LMTK2: variants seen among roughly 807,000 people sequenced by gnomAD.
The protein encoded by LMTK2 is serine/threonine-protein kinase LMTK2.
LMTK2 carries 37 observed loss-of-function variants against 127.5 expected under a neutral mutation model. That is an observed-to-expected ratio of 0.29 (90% confidence interval 0.22 to 0.38). LMTK2 has a LOEUF of 0.38. LMTK2 is among the 10% of genes least tolerant of loss of function. The pLI is 1.00. For synonymous variants in LMTK2, 819 were observed against 810.1 expected, an observed-to-expected ratio of 1.01 and a Z score of -0.19; for missense variants, 1,694 against 1,920.3, an observed-to-expected ratio of 0.88 and a Z score of 2.20.
At position 98,191,959 on chromosome 7, in the gene LMTK2, G is replaced by A; in HGVS notation, c.1494G>A (p.Leu498=). 1 of 1,614,062 alleles carries A rather than the reference G, an allele frequency of 6.2e-7. No individual in the cohort carries two copies. Among genetic ancestry groups the A allele is most frequent in the South Asian group, 1.1e-5 (1 of 91,074 alleles). ...GCCGGGGCCACCTGGACGAAGGCTT[G>A]TCCTACACGAGCATCTTCTATCCGG... is the stretch of plus-strand genomic sequence containing the variant. ...ERSRGHLDEG[L]SYTSIFYPVE... is the part of the protein sequence containing the mutation. The change falls in exon 11 of 14, where the codon TTG becomes TTA. Residue 498 remains leucine, a synonymous_variant. Transcript: ENST00000297293.
intron 6 of LMTK2, among the ~76,000 whole-genome samples, chr7:98,170,577 C>A (rs1195937988): frequency 6.7e-6 from 1 of 150,368 alleles, no homozygotes; most frequent in African/African-American, 2.4e-5. Context: ...CTCCAGCCGT[C>A]TTTTCTTGAC....
At chr7:98,203,800 G>T in intron 12 of LMTK2, 94 bp downstream of exon 12, 1 of 1,574,394 alleles carries the variant, frequency 6.4e-7, no homozygotes, top group South Asian at 1.1e-5. Flanking sequence ...CTTTAATGAC[G>T]CCCCCTGACA....
chr7:98,186,813 A>G, intron 8 of LMTK2, 64 bp from the exon 9 acceptor site: 1 of 1,445,518 alleles, frequency 6.9e-7, no homozygotes. Flanking sequence ...CCATGGATTT[A>G]AATTCTTGAA....
chr7:98,203,521 G>T (rs1797739801), intron 11 of LMTK2, 53 bp from the exon 12 acceptor site: 1 of 1,547,338 alleles, frequency 6.5e-7, no homozygotes, highest in Non-Finnish European at 8.7e-7. Flanking sequence ...GGTCACACGG[G>T]GGGTTCCCGT....
Position 98,193,249 on chromosome 7 carries a change from A to T in LMTK2, c.2784A>T (p.Lys928Asn), listed in dbSNP as rs780651078. 9 of 1,613,592 alleles carry T rather than the reference A, an allele frequency of 5.6e-6. No individual in the cohort carries two copies. Among genetic ancestry groups the T allele is most frequent in the Admixed American group, 1.7e-5 (1 of 60,008 alleles). Residue 928 changes from lysine to asparagine, a missense_variant, in exon 11 of 14, where the codon AAA becomes AAT. Around this residue, in one of 8 missense-constraint regions of LMTK2, gnomAD observed 527 missense variants for 539.8 expected, o/e 0.98. Coordinates refer to ENST00000297293, the MANE Select transcript of LMTK2 (RefSeq NM_014916.4). The surrounding 1 kb of genome is among the most constrained non-coding windows in gnomAD (Gnocchi z 4.1). ...LPELGQELHN[K>N]PFSEDHHSHR... ...AACTGGGACAGGAATTGCACAATAAACCATTTTCGGAAGACCATCACAGTC... is the reference window on the plus strand; with the variant it reads ...AACTGGGACAGGAATTGCACAATAATCCATTTTCGGAAGACCATCACAGTC...
chr7:98,149,709 A>C (rs559005254), intron 3 of LMTK2, among the ~76,000 whole-genome samples: 2 of 152,362 alleles, frequency 1.3e-5, no homozygotes, highest in Admixed American at 1.3e-4. Flanking sequence ...ACAAAGATTT[A>C]TTAGATAGGA....
chr7:98,202,850 A>G (rs1366615155), intron 11 of LMTK2, among the ~76,000 whole-genome samples: 1 of 152,082 alleles, frequency 6.6e-6, no homozygotes, highest in Non-Finnish European at 1.5e-5. Context: ...TGATACTTGC[A>G]GTTCTTTGGG....
chr7:98,173,372 T>G (rs1797223989), intron 7 of LMTK2, among the ~76,000 whole-genome samples: 1 of 152,104 alleles, frequency 6.6e-6, no homozygotes, highest in African/African-American at 2.4e-5. Flanking sequence ...ATCCCTTATA[T>G]GAAGCTTTAT....
chr7:98,159,830 G>C (rs773302175), intron 6 of LMTK2, among the ~76,000 whole-genome samples: 6 of 152,164 alleles, frequency 3.9e-5, no homozygotes, highest in Non-Finnish European at 7.3e-5. Context: ...TTAACCCCCT[G>C]AGAGAGCCCA....
At chr7:98,142,948 C>T (rs1015250155) in intron 3 of LMTK2, among the ~76,000 whole-genome samples, 1 of 152,248 alleles carries the variant, frequency 6.6e-6, no homozygotes, top group African/African-American at 2.4e-5. Flanking sequence ...GCTTCTTTCT[C>T]TCTCTCCTTG....
At chr7:98,164,691 G>A (rs1797067370) in intron 6 of LMTK2, among the ~76,000 whole-genome samples, 1 of 152,146 alleles carries the variant, frequency 6.6e-6, no homozygotes, top group Admixed American at 6.5e-5. Flanking sequence ...TGGAGACAGG[G>A]GATGCTGTGC....
chr7:98,156,322 G>A (rs946979067), intron 5 of LMTK2, among the ~76,000 whole-genome samples: 3 of 152,056 alleles, frequency 2.0e-5, no homozygotes, highest in African/African-American at 4.8e-5. Context: ...AAAATTAGTC[G>A]GGCGTGGTGT....
chr7:98,200,064 G>A (rs990011045), intron 11 of LMTK2, among the ~76,000 whole-genome samples: 13 of 151,712 alleles, frequency 8.6e-5, no homozygotes, highest in Non-Finnish European at 1.9e-4. Context: ...AACATTTTTA[G>A]TATTACATTT....
intron 1 of LMTK2, among the ~76,000 whole-genome samples, chr7:98,119,475 G>A (rs1455495588): frequency 1.3e-5 from 2 of 152,026 alleles, no homozygotes; most frequent in African/African-American, 4.8e-5. Flanking sequence ...AGCACTCCGG[G>A]GCAGAACACA....
chr7:98,108,676 G>A (rs1032219047), intron 1 of LMTK2, among the ~76,000 whole-genome samples: 1 of 152,172 alleles, frequency 6.6e-6, no homozygotes, highest in Non-Finnish European at 1.5e-5. Context: ...TTATGTGGAA[G>A]GATGGTGATG....
chr7:98,148,783 C>T lies in LMTK2; in HGVS notation c.377-2599C>T, dbSNP rs191004890. ...GCACTCCTTCAACACCTAGCCAGGC[C>T]GTTTATAACCCTGACTTAGCCTTCA... On this transcript the variant is annotated intron_variant, in intron 3 of 13. Transcript: ENST00000297293. 2.5e-3 allele frequency among the ~76,000 whole-genome samples: 375 copies of T among 152,292 alleles called. 3 individuals carry two copies. The highest frequency in any genetic ancestry group is 5.7e-4 in the Non-Finnish European group (39 of 68,020).
At chr7:98,200,773 A>G (rs1797694143) in intron 11 of LMTK2, among the ~76,000 whole-genome samples, 1 of 152,158 alleles carries the variant, frequency 6.6e-6, no homozygotes, top group East Asian at 1.9e-4. Flanking sequence ...TGCCTCATAC[A>G]CTGTAAATGC....
intron 1 of LMTK2, among the ~76,000 whole-genome samples, chr7:98,121,194 G>A (rs576005821): frequency 3.3e-5 from 5 of 152,258 alleles, no homozygotes; most frequent in East Asian, 1.9e-4. Context: ...AGTGCGATGC[G>A]CATGCACACA....
chr7:98,162,925 C>A (rs1056255885), intron 6 of LMTK2, among the ~76,000 whole-genome samples: 2 of 152,206 alleles, frequency 1.3e-5, no homozygotes, highest in African/African-American at 4.8e-5. Flanking sequence ...CAAATCTGCT[C>A]TCTCTGTGCA....
Sources: gnomAD v4.1 joint callset for allele counts (sites outside exome capture counted in the v4.1 genomes callset) on GRCh38, gnomAD v4.1.1 for gene constraint, gnomAD v4.1.1 regional missense constraint, Gnocchi (gnomAD v3.1) non-coding constraint, MANE v1.5 for transcripts, NCBI Gene and HGNC (gene_info 2026-07-23, HGNC 2026-07-21) for gene names.